The following COMMD7 variants were observed in gnomAD, a reference collection of about 807,000 sequenced individuals.
COMMD7 encodes COMM domain-containing protein 7.
Under a neutral mutation model 34.8 loss-of-function variants are expected in COMMD7, and 28 were observed. The ratio of observed to expected loss-of-function variants is 0.80; its 90% CI spans 0.60 to 1.10. COMMD7 has a LOEUF of 1.10. COMMD7 is among the 50% of genes least tolerant of loss of function. COMMD7 has a pLI of 0.00. For missense variants in COMMD7, 211 were observed against 241.6 expected (o/e 0.87, Z 0.84); for synonymous variants, 80 against 86.4 (o/e 0.93, Z 0.41).
chr20:32,727,553 AG>A (rs1568788634), intron 3 of COMMD7, among the ~76,000 whole-genome samples: 2 of 150,694 alleles, frequency 1.3e-5, no homozygotes, highest in African/African-American at 4.9e-5. Context: ...AAAAAAAAAA[AG>A]TATTAGATTC....
chr20:32,739,879 G>A (rs6057635), intron 1 of COMMD7, among the ~76,000 whole-genome samples: 84,792 of 139,458 alleles, frequency 0.61, 31,141 homozygotes, highest in Middle Eastern at 0.78. Flanking sequence ...AAAATTAGAT[G>A]GGCATGGTGG....
chr20:32,712,770 G>A (rs28469435), intron 3 of COMMD7, among the ~76,000 whole-genome samples: 87,314 of 120,952 alleles, frequency 0.72, 31,159 homozygotes, highest in Middle Eastern at 0.82. Flanking sequence ...TTTTTTTTTC[G>A]AGACAGAGTC....
intron 1 of COMMD7, among the ~76,000 whole-genome samples, chr20:32,733,587 G>A (rs886738364): frequency 6.6e-6 from 1 of 152,016 alleles, no homozygotes; most frequent in Non-Finnish European, 1.5e-5. Context: ...GAGTGTGGTG[G>A]CACGTGCCTA....
intron 3 of COMMD7, among the ~76,000 whole-genome samples, chr20:32,707,290 A>ATAT (rs1555822509): frequency 0.17 from 20,216 of 119,392 alleles, 2,156 homozygotes; most frequent in Non-Finnish European, 0.27. Flanking sequence ...TCTCAAAAAA[A>ATAT]AAAAATATAT....
At chr20:32,736,680 A>G (rs1014566205) in intron 1 of COMMD7, among the ~76,000 whole-genome samples, 6 of 151,944 alleles carry the variant, frequency 3.9e-5, no homozygotes, top group Admixed American at 6.6e-5. Context: ...AAACAAACAA[A>G]CAAACAAACA....
intron 1 of COMMD7, 79 bp from the exon 2 acceptor site, chr20:32,728,221 C>A: frequency 3.7e-6 from 5 of 1,342,882 alleles, no homozygotes; most frequent in Non-Finnish European, 5.3e-6. Context: ...AACTGCATAG[C>A]CTTGAGAGGG....
rs146683141 is a variant in COMMD7 at position 32,742,060 on chromosome 20, T to C, written c.84+1248A>G. 9.4e-3 allele frequency among the ~76,000 whole-genome samples: 1,430 copies of C among 152,170 alleles called. 6 individuals carry two copies. Among genetic ancestry groups the C allele is most frequent in the Non-Finnish European group, 0.015 (1,033 of 68,012 alleles). On this transcript the variant is annotated intron_variant, in intron 1 of 8. Transcript: ENST00000278980. ...AAAATTAGCTGGGCATGGTGGCGTGTGCCTGTAGTCCCAGTTACTCGGGAG... is the reference window on the plus strand; with the variant it reads ...AAAATTAGCTGGGCATGGTGGCGTGCGCCTGTAGTCCCAGTTACTCGGGAG...
chr20:32,724,016 G>A (rs1198545348), intron 3 of COMMD7, among the ~76,000 whole-genome samples: 1 of 13,070 alleles, frequency 7.7e-5, no homozygotes, highest in Non-Finnish European at 2.2e-4. Context: ...ATCTCCGCCC[G>A]GCAGCCACCC....
rs1029224570 is a variant in COMMD7 at position 32,702,971 on chromosome 20, T to C, written c.*411A>G. 1.2e-5 allele frequency: 2 copies of C among 171,076 alleles called. No homozygotes were observed. The highest frequency in any genetic ancestry group is 1.1e-4 in the Admixed American group (2 of 17,740). 10.6% of individuals were successfully genotyped at this position (171,076 alleles called of 1,614,324 possible). ...CTCTGTATATGTGTCATTCAGACAA[T>C]CCGCCGATTCCTCAGCCATAAACAA... On this transcript the variant is annotated 3_prime_UTR_variant, in exon 9 of 9. Coordinates refer to ENST00000278980, the MANE Select transcript of COMMD7 (RefSeq NM_053041.3).
intron 2 of COMMD7, 35 bp downstream of exon 2, chr20:32,728,054 C>A (rs143542704): frequency 2.5e-6 from 4 of 1,609,986 alleles, no homozygotes; most frequent in Non-Finnish European, 3.4e-6. Flanking sequence ...TCAGGGAGCA[C>A]GGACCCACTC....
intron 3 of COMMD7, among the ~76,000 whole-genome samples, chr20:32,726,062 CAAAAAAAAA>C (rs34689858): frequency 1.4e-5 from 1 of 71,134 alleles, no homozygotes; most frequent in African/African-American, 5.7e-5. Flanking sequence ...AAGCCTGTCT[CAAAAAAAAA>C]AAAAAAAAAA....
intron 1 of COMMD7, among the ~76,000 whole-genome samples, chr20:32,735,243 A>T (rs1353578075): frequency 6.7e-6 from 1 of 148,910 alleles, no homozygotes; most frequent in East Asian, 2.0e-4. Flanking sequence ...AAAAAAAAAA[A>T]TTTTTTTTTA....
intron 8 of COMMD7, 75 bp downstream of exon 8, chr20:32,703,948 T>C: frequency 3.1e-6 from 5 of 1,608,780 alleles, no homozygotes; most frequent in Non-Finnish European, 4.2e-6. Flanking sequence ...ACATGATTTG[T>C]GGTGAGCGTC....
In COMMD7 at chr20:32,728,233, A is replaced by G; in HGVS notation, c.85-91T>C. The G allele has an allele frequency of 2.5e-6, 3 of 1,206,656 alleles. No individual in the cohort carries two copies. In the South Asian group the frequency reaches 3.7e-5, roughly 15 times the overall value. 74.7% of individuals were successfully genotyped at this position (1,206,656 alleles called of 1,614,324 possible). ...GGCAACTGCATAGCCTTGAGAGGGA[A>G]GAACAGTAACAGCCAGGTGTTATGC... On this transcript the variant is annotated intron_variant, in intron 1 of 8. Coordinates refer to ENST00000278980, the MANE Select transcript of COMMD7 (RefSeq NM_053041.3).
intron 3 of COMMD7, among the ~76,000 whole-genome samples, chr20:32,712,269 CAA>C (rs56096713): frequency 9.7e-5 from 7 of 71,840 alleles, no homozygotes; most frequent in Admixed American, 2.2e-4. Context: ...GACTCCGTCT[CAA>C]AAAAAAAAAA....
intron 3 of COMMD7, among the ~76,000 whole-genome samples, chr20:32,707,535 G>C (rs1204454003): frequency 6.6e-6 from 1 of 151,782 alleles, no homozygotes; most frequent in Non-Finnish European, 1.5e-5. Flanking sequence ...GACCAGGCTG[G>C]TCTTGAACTA....
chr20:32,741,681 C>T (rs1348476878), intron 1 of COMMD7, among the ~76,000 whole-genome samples: 1 of 152,046 alleles, frequency 6.6e-6, no homozygotes, highest in Non-Finnish European at 1.5e-5. Flanking sequence ...CCACCGTGCC[C>T]GGCCTATTTT....
At chr20:32,729,833 C>A (rs930300990) in intron 1 of COMMD7, among the ~76,000 whole-genome samples, 2 of 145,622 alleles carry the variant, frequency 1.4e-5, no homozygotes, top group African/African-American at 5.0e-5. Context: ...AGTGAAACCC[C>A]GTCTCTACTA....
chr20:32,742,174 G>A (rs1307947377), intron 1 of COMMD7, among the ~76,000 whole-genome samples: 29 of 151,834 alleles, frequency 1.9e-4, no homozygotes, highest in Admixed American at 1.8e-3. Context: ...GTGACAGAAT[G>A]AGACTACGTC....
Sources: allele counts gnomAD v4.1 joint callset (sites outside exome capture counted in the v4.1 genomes callset), GRCh38; gene constraint gnomAD v4.1.1; transcripts MANE v1.5; gene names NCBI Gene and HGNC (gene_info 2026-07-23, HGNC 2026-07-21).